The following PTPN12 variants were observed in gnomAD, a reference collection of about 807,000 sequenced individuals.
PTPN12 encodes protein tyrosine phosphatase non-receptor type 12.
A neutral mutation model predicts 97.6 loss-of-function variants in PTPN12; 29 were observed. That is an observed-to-expected ratio of 0.30 (90% CI 0.22 to 0.41). The LOEUF is 0.41. PTPN12 is among the 10% of genes least tolerant of loss of function. The probability of loss-of-function intolerance (pLI) is 1.00; values close to 1 mark genes in which losing one functional copy is unlikely to be tolerated. For synonymous variants in PTPN12, 327 were observed against 300.4 expected, an observed-to-expected ratio of 1.09 and a Z score of -0.91; for missense variants, 819 against 926.0, an observed-to-expected ratio of 0.88 and a Z score of 1.50.
At chr7:77,550,149 C>T (rs1807416631) in intron 1 of PTPN12, among the ~76,000 whole-genome samples, 1 of 152,076 alleles carries the variant, frequency 6.6e-6, no homozygotes, top group Admixed American at 6.6e-5. Flanking sequence ...TTCTATTTGC[C>T]TACTCACCTT....
chr7:77,625,542 GCT>G (rs1186718121), intron 12 of PTPN12, among the ~76,000 whole-genome samples: 1 of 54,316 alleles, frequency 1.8e-5, no homozygotes. Context: ...TCTCACTCGC[GCT>G]CTCTCTCTCG....
chr7:77,568,813 T>C (rs1228939884), intron 1 of PTPN12, among the ~76,000 whole-genome samples: 1 of 152,242 alleles, frequency 6.6e-6, no homozygotes, highest in East Asian at 1.9e-4. Flanking sequence ...TCTGCAACTA[T>C]TTAAGTTGAT....
chr7:77,591,908 G>A (rs1787878553), intron 5 of PTPN12, among the ~76,000 whole-genome samples: 1 of 152,142 alleles, frequency 6.6e-6, no homozygotes, highest in South Asian at 2.1e-4. Flanking sequence ...TTGTCTAGAG[G>A]AGGATCTTTG....
intron 6 of PTPN12, chr7:77,592,504 G>C: frequency 2.8e-6 from 1 of 352,706 alleles, no homozygotes; most frequent in Admixed American, 4.6e-5. Context: ...TATATCAATT[G>C]ATAGTAGGTG....
Position 77,628,776 on chromosome 7 carries a change from G to C in PTPN12, c.1996+1101G>C, listed in dbSNP as rs558579553. On this transcript the variant is annotated intron_variant, in intron 13 of 17. Transcript: ENST00000248594. ...TGGTCTCAAATTCCTGGCCTCAAGT[G>C]ATCTGCCCACCTAGGCCTCCCAAAG... 1.1e-4 allele frequency among the ~76,000 whole-genome samples: 16 copies of C among 152,048 alleles called. 1 individual carries two copies. In the South Asian group the frequency reaches 3.3e-3, roughly 32 times the overall value.
At chr7:77,637,115 A>T in intron 16 of PTPN12, 67 bp downstream of exon 16, 2 of 1,279,194 alleles carry the variant, frequency 1.6e-6, no homozygotes, top group Non-Finnish European at 1.1e-6. Flanking sequence ...ACAAAATAAC[A>T]TGCTTCATAG....
chr7:77,556,274 G>C (rs1807707840), intron 1 of PTPN12, among the ~76,000 whole-genome samples: 1 of 152,030 alleles, frequency 6.6e-6, no homozygotes, highest in Non-Finnish European at 1.5e-5. Flanking sequence ...TGTTGCCCAG[G>C]CTGGTCTCGA....
rs62477771 is a variant in PTPN12 at position 77,547,171 on chromosome 7, C to G, written c.99+9526C>G. 2.6e-3 allele frequency among the ~76,000 whole-genome samples: 396 copies of G among 152,218 alleles called. 1 individual carries two copies. Among genetic ancestry groups the G allele is most frequent in the Non-Finnish European group, 4.3e-3 (295 of 67,974 alleles). On this transcript the variant is annotated intron_variant, in intron 1 of 17. Transcript: ENST00000248594. The stretch of plus-strand genomic sequence containing the variant: ...ATGGTCTCTGTCATCCATCCATGGT[C>G]TCTATCATTTATCCATTCATACAGA...
At chr7:77,556,978 GT>G (rs373497246) in intron 1 of PTPN12, among the ~76,000 whole-genome samples, 36,635 of 148,674 alleles carry the variant, frequency 0.25, 4,664 homozygotes, top group Non-Finnish European at 0.28. Context: ...GTTTTTGTTT[GT>G]TTTTTTTTTA....
chr7:77,581,536 C>A, intron 3 of PTPN12, 33 bp downstream of exon 3: 3 of 1,327,182 alleles, frequency 2.3e-6, no homozygotes, highest in East Asian at 2.5e-5. Flanking sequence ...GTTTCTCTGC[C>A]ATATTAATGT....
At chr7:77,581,148 C>T (rs943496741) in intron 2 of PTPN12, among the ~76,000 whole-genome samples, 79 of 152,276 alleles carry the variant, frequency 5.2e-4, no homozygotes, top group Non-Finnish European at 9.3e-4. Flanking sequence ...TCTTGGCTCA[C>T]TGCAACCTCT....
chr7:77,552,936 A>G (rs1055958313), intron 1 of PTPN12, among the ~76,000 whole-genome samples: 1 of 152,252 alleles, frequency 6.6e-6, no homozygotes, highest in East Asian at 1.9e-4. Flanking sequence ...AGAAGGAAGC[A>G]TGATTAGGGC....
chr7:77,542,948 T>C (rs1009332715), intron 1 of PTPN12, among the ~76,000 whole-genome samples: 5 of 152,070 alleles, frequency 3.3e-5, no homozygotes, highest in Non-Finnish European at 7.4e-5. Flanking sequence ...AACAAACTTA[T>C]AGAGTGACCA....
rs1431080151 is a variant in PTPN12 at position 77,627,203 on chromosome 7, T to A, written c.1524T>A (p.Val508=). 12 of 1,614,014 alleles carry A rather than the reference T, an allele frequency of 7.4e-6. No individual in the cohort carries two copies. Among genetic ancestry groups the A allele is most frequent in the Non-Finnish European group, 1.0e-5 (12 of 1,180,022 alleles). Residue 508 remains valine, a synonymous_variant, in exon 13 of 18, where the codon GTT becomes GTA. Coordinates refer to ENST00000248594, the MANE Select transcript of PTPN12 (RefSeq NM_002835.4). ...TAACACAATCAAACAAAGTTTCAGT[T>A]ACTCCACCAGAAGAATCCCAGAATT... is the stretch of plus-strand genomic sequence containing the variant. ...CSVTQSNKVS[V]TPPEESQNSD... is the part of the protein sequence containing the mutation.
chr7:77,597,183 G>A (rs939625137), intron 6 of PTPN12, among the ~76,000 whole-genome samples: 4 of 152,128 alleles, frequency 2.6e-5, no homozygotes, highest in Admixed American at 2.6e-4. Context: ...GAGTGCGGTG[G>A]CACTATCTCA....
chr7:77,631,523 A>T (rs997868779), intron 13 of PTPN12, among the ~76,000 whole-genome samples: 4 of 152,190 alleles, frequency 2.6e-5, no homozygotes, highest in African/African-American at 9.7e-5. Context: ...GAGTTCACAC[A>T]CAGGATTGTA....
chr7:77,621,558 A>G (rs1351462322), intron 12 of PTPN12, among the ~76,000 whole-genome samples: 1 of 152,026 alleles, frequency 6.6e-6, no homozygotes, highest in African/African-American at 2.4e-5. Flanking sequence ...AGTCTCAGCT[A>G]CTTGGGAGGC....
rs571155608 is a variant in PTPN12 at position 77,576,102 on chromosome 7, C to T, written c.208+4916C>T. ...AACTCCTGACCTCGTGATCCGCCTG[C>T]CTCGGCCTCCCAAAGTGCTGGGATT... On this transcript the variant is annotated intron_variant, in intron 2 of 17. Transcript: ENST00000248594. Among the ~76,000 whole-genome samples the T allele has an allele frequency of 3.3e-5, 5 of 152,290 alleles. No individual in the cohort carries two copies. The East Asian group carries it at 9.7e-4, about 29-fold the overall frequency.
intron 9 of PTPN12, 95 bp downstream of exon 9, chr7:77,607,396 A>T: frequency 1.1e-6 from 1 of 916,126 alleles, no homozygotes; most frequent in Non-Finnish European, 1.7e-6. Context: ...ATATTTTATT[A>T]TACATGTTAT....
Sources: gnomAD v4.1 joint callset for allele counts (sites outside exome capture counted in the v4.1 genomes callset) on GRCh38, gnomAD v4.1.1 for gene constraint, MANE v1.5 for transcripts, NCBI Gene and HGNC (gene_info 2026-07-23, HGNC 2026-07-21) for gene names.